ASTN2: variants seen among roughly 807,000 people sequenced by gnomAD.
ASTN2 encodes the protein astrotactin 2, also known as astrotactin-2.
A neutral mutation model predicts 139.8 loss-of-function variants in ASTN2; 54 were observed. That is an observed-to-expected ratio of 0.39 (90% CI 0.31 to 0.48). The LOEUF is 0.48. Ranked by LOEUF, ASTN2 falls within the 20% of genes least tolerant of loss-of-function variation. ASTN2 has a pLI of 0.95. For synonymous variants in ASTN2, 756 were observed against 719.5 expected (o/e 1.05, Z -0.81); for missense variants, 1,565 against 1,725.1 (o/e 0.91, Z 1.64).
chr9:116,596,014 T>C (rs1854557100), intron 19 of ASTN2, among the ~76,000 whole-genome samples: 1 of 152,160 alleles, frequency 6.6e-6, no homozygotes, highest in Admixed American at 6.5e-5. Flanking sequence ...GTAGCCAAGA[T>C]AGAGAAATAA....
chr9:116,620,804 A>C (rs1241225818), intron 17 of ASTN2, among the ~76,000 whole-genome samples: 1 of 152,226 alleles, frequency 6.6e-6, no homozygotes, highest in African/African-American at 2.4e-5. Flanking sequence ...AGCACACAGA[A>C]AGTAAATAAC....
chr9:117,369,616 C>G (rs1453769906), intron 1 of ASTN2, among the ~76,000 whole-genome samples: 1 of 152,078 alleles, frequency 6.6e-6, no homozygotes, highest in African/African-American at 2.4e-5. Flanking sequence ...TTCTTTTAGA[C>G]TAAACACTCT....
intron 10 of ASTN2, among the ~76,000 whole-genome samples, chr9:116,958,803 G>A (rs1835794567): frequency 6.6e-6 from 1 of 152,088 alleles, no homozygotes; most frequent in Admixed American, 6.6e-5. Flanking sequence ...CCAGCAGAGA[G>A]TACGATATAG....
chr9:117,207,448 C>T (rs1441790172), intron 3 of ASTN2, among the ~76,000 whole-genome samples: 1 of 152,016 alleles, frequency 6.6e-6, no homozygotes, highest in Non-Finnish European at 1.5e-5. Flanking sequence ...CCCTCAGACA[C>T]ATTTTCAGGC....
chr9:116,718,205 C>G (rs1828367360), intron 16 of ASTN2, among the ~76,000 whole-genome samples: 1 of 151,976 alleles, frequency 6.6e-6, no homozygotes, highest in Non-Finnish European at 1.5e-5. Context: ...ATGAAGTGAT[C>G]TCAGCAAAAA....
intron 11 of ASTN2, among the ~76,000 whole-genome samples, chr9:116,832,936 T>G (rs1831861313): frequency 8.8e-6 from 1 of 113,436 alleles, no homozygotes; most frequent in African/African-American, 3.8e-5. Context: ...TTTTTTTTGT[T>G]TTGTTTTATT....
intron 5 of ASTN2, among the ~76,000 whole-genome samples, chr9:117,092,409 C>G (rs1828728871): frequency 6.6e-6 from 1 of 152,144 alleles, no homozygotes; most frequent in Admixed American, 6.5e-5. Flanking sequence ...CCAGCAGGGA[C>G]TTGGCCAAGG....
chr9:117,120,049 T>TATATATATATATATATATATATATATAC (rs1433485798), intron 4 of ASTN2, among the ~76,000 whole-genome samples: 6 of 129,362 alleles, frequency 4.6e-5, no homozygotes, highest in African/African-American at 1.9e-4. Context: ...TATATATATA[T>TATATATATATATATATATATATATATAC]ACCCTGAGTA....
intron 19 of ASTN2, among the ~76,000 whole-genome samples, chr9:116,519,165 A>T (rs1052646280): frequency 3.3e-5 from 5 of 152,134 alleles, no homozygotes; most frequent in African/African-American, 9.7e-5. Context: ...GACTTAACAG[A>T]TATTTACAGA....
intron 16 of ASTN2, among the ~76,000 whole-genome samples, chr9:116,672,011 A>G (rs803903): frequency 0.77 from 117,743 of 152,126 alleles, 46,350 homozygotes; most frequent in African/African-American, 0.91. Context: ...GAGTGGCAAA[A>G]TTTTGGAGGT....
At chr9:117,155,104 G>T (rs887353238) in intron 3 of ASTN2, among the ~76,000 whole-genome samples, 6 of 151,984 alleles carry the variant, frequency 3.9e-5, no homozygotes, top group African/African-American at 1.4e-4. Context: ...AGCATGTATG[G>T]AGGCTGCTGT....
At chr9:116,840,701 C>T (rs1036193768) in intron 11 of ASTN2, among the ~76,000 whole-genome samples, 3 of 114,008 alleles carry the variant, frequency 2.6e-5, no homozygotes, top group African/African-American at 9.3e-5. Flanking sequence ...ACTTCTCAGA[C>T]GGGGCGTCCG....
In ASTN2 at chr9:116,838,121, G is replaced by GTT. The variant is rs1211683284; in HGVS notation, c.2041-17340_2041-17339dup. On this transcript the variant is annotated intron_variant, in intron 11 of 22. Coordinates refer to ENST00000313400, the MANE Select transcript of ASTN2 (RefSeq NM_001365068.1). The stretch of plus-strand genomic sequence containing the variant: ...GCTGTGTTTTTTTTTGTTTTGTTTT[G>GTT]TTTTTTGAGACAGAGTCACGCTCTG... Among the ~76,000 whole-genome samples the GTT allele has an allele frequency of 6.5e-5, 9 of 138,012 alleles. 1 individual carries two copies. Among genetic ancestry groups the GTT allele is most frequent in the African/African-American group, 1.9e-4 (7 of 37,496 alleles). The allele number at this position is 138,012 out of a possible 152,430, so 90.5% of individuals were successfully genotyped here.
chr9:117,371,425 G>A (rs1008003395), intron 1 of ASTN2, among the ~76,000 whole-genome samples: 14 of 152,242 alleles, frequency 9.2e-5, no homozygotes, highest in East Asian at 3.9e-4. Flanking sequence ...TCAAATTCTC[G>A]TAGTGCTATT....
At chr9:117,188,656 G>T (rs992927569) in intron 3 of ASTN2, among the ~76,000 whole-genome samples, 1 of 152,182 alleles carries the variant, frequency 6.6e-6, no homozygotes, top group Non-Finnish European at 1.5e-5. Context: ...AGTTACAGGG[G>T]TTCAGCATTC....
At chr9:116,813,038 T>C (rs944012114) in intron 12 of ASTN2, among the ~76,000 whole-genome samples, 2 of 152,170 alleles carry the variant, frequency 1.3e-5, no homozygotes, top group South Asian at 4.1e-4. Flanking sequence ...TTTATTTTTG[T>C]ACTATGACAC....
intron 10 of ASTN2, among the ~76,000 whole-genome samples, chr9:116,933,199 A>G (rs1564347256): frequency 6.6e-6 from 1 of 152,034 alleles, no homozygotes; most frequent in Non-Finnish European, 1.5e-5. Context: ...TTTTTTACAG[A>G]CATTCAAAAA....
intron 10 of ASTN2, among the ~76,000 whole-genome samples, chr9:116,917,678 C>G (rs1230562369): frequency 6.6e-6 from 1 of 152,166 alleles, no homozygotes; most frequent in Non-Finnish European, 1.5e-5. Flanking sequence ...CTTATAAATA[C>G]TGCAGAGGAG....
At chr9:117,136,468 C>T (rs1319976910) in intron 4 of ASTN2, among the ~76,000 whole-genome samples, 1 of 152,068 alleles carries the variant, frequency 6.6e-6, no homozygotes, top group African/African-American at 2.4e-5. Flanking sequence ...AGCTGCAGAC[C>T]CTCTGGGGGT....
Sources: allele counts gnomAD v4.1 joint callset (sites outside exome capture counted in the v4.1 genomes callset), GRCh38; gene constraint gnomAD v4.1.1; transcripts MANE v1.5; gene names NCBI Gene and HGNC (gene_info 2026-07-23, HGNC 2026-07-21).